UIMC1: variants seen among roughly 807,000 people sequenced by gnomAD.
UIMC1 encodes BRCA1-A complex subunit RAP80.
Under a neutral mutation model 84.9 loss-of-function variants are expected in UIMC1, and 42 were observed. The observed-to-expected ratio is 0.49, with a 90% CI of 0.39 to 0.64. The LOEUF is 0.64. UIMC1 is among the 30% of genes least tolerant of loss of function. The pLI, the probability that UIMC1 is intolerant of heterozygous loss-of-function variation, is 0.00. For synonymous variants in UIMC1, 281 were observed against 293.0 expected, an observed-to-expected ratio of 0.96 and a Z score of 0.42; for missense variants, 825 against 847.6, an observed-to-expected ratio of 0.97 and a Z score of 0.33.
intron 1 of UIMC1, among the ~76,000 whole-genome samples, chr5:176,997,321 C>T (rs1206096519): frequency 6.6e-6 from 1 of 152,006 alleles, no homozygotes; most frequent in South Asian, 2.1e-4. Flanking sequence ...CTTTTACCAC[C>T]GTTCCCCTCC....
At chr5:176,907,899 C>G (rs2149386044) in intron 12 of UIMC1, among the ~76,000 whole-genome samples, 1 of 152,250 alleles carries the variant, frequency 6.6e-6, no homozygotes, top group East Asian at 1.9e-4. Context: ...ATCAGTGGTA[C>G]AAAGACTGAT....
At chr5:176,998,466 C>CAAAAA (rs35445945) in intron 1 of UIMC1, among the ~76,000 whole-genome samples, 35,155 of 64,174 alleles carry the variant, frequency 0.55, 11,638 homozygotes, top group African/African-American at 0.68. Flanking sequence ...GACTCTGTCT[C>CAAAAA]AAAAAAAAAA....
At position 176,923,357 on chromosome 5, in the gene UIMC1, C is replaced by T. The variant is rs185945846; in HGVS notation, c.1598-11968G>A. Among the ~76,000 whole-genome samples, 289 of 152,200 alleles carry T rather than the reference C, an allele frequency of 1.9e-3. 2 individuals carry two copies. The highest frequency in any genetic ancestry group is 6.8e-3 in the African/African-American group (284 of 41,528). ...GGAATAAGACTGAAATGACTAGAAC[C>T]ATATCCAGTAGTTCTACCAGATAAA... On this transcript the variant is annotated intron_variant, in intron 10 of 14. Transcript: ENST00000511320.
At chr5:176,964,463 G>A (rs1213695133) in intron 6 of UIMC1, among the ~76,000 whole-genome samples, 1 of 152,116 alleles carries the variant, frequency 6.6e-6, no homozygotes, top group Non-Finnish European at 1.5e-5. Context: ...TATGGCTCAT[G>A]ACTAAGTACA....
At position 176,968,597 on chromosome 5, in the gene UIMC1, C is replaced by A. The variant is rs1404148778; in HGVS notation, c.1158G>T (p.Glu386Asp). 3.1e-6 allele frequency: 5 copies of A among 1,612,712 alleles called. No individual in the cohort carries two copies. The highest frequency in any genetic ancestry group is 4.5e-5 in the East Asian group (2 of 44,884). Reference protein sequence around the residue: ...FQESSIKSLKEKLLLEEEPTT... With the variant: ...FQESSIKSLKDKLLLEEEPTT... The stretch of plus-strand genomic sequence containing the variant: ...TTGGTTCTTCCTCCAACAAAAGTTT[C>A]TCTTTCAAGCTTTTAATTGAGCTTT... The change falls in exon 6 of 15, where the codon GAG becomes GAT. Residue 386 changes from glutamate to aspartate, a missense_variant. By Grantham distance (45) the Glu-to-Asp change is conservative (BLOSUM62 2). Coordinates refer to ENST00000511320, the MANE Select transcript of UIMC1 (RefSeq NM_001199298.2).
intron 9 of UIMC1, among the ~76,000 whole-genome samples, chr5:176,950,775 C>T (rs2149453753): frequency 6.6e-6 from 1 of 152,012 alleles, no homozygotes; most frequent in African/African-American, 2.4e-5. Flanking sequence ...GTGGCTGAGG[C>T]AGGAGAAACA....
intron 6 of UIMC1, among the ~76,000 whole-genome samples, chr5:176,968,085 G>C (rs1174777792): frequency 6.6e-6 from 1 of 152,028 alleles, no homozygotes; most frequent in Non-Finnish European, 1.5e-5. Context: ...GCATAGAAAT[G>C]ATGACTGGCC....
Position 176,908,546 on chromosome 5 carries a change from G to A in UIMC1, c.1825C>T (p.Gln609Ter), listed in dbSNP as rs1759705899. The change falls in exon 12 of 15, where the codon CAG becomes TAG. Residue 609 changes from glutamine (Q) to a stop codon, truncating the protein, a stop_gained. Coordinates refer to ENST00000511320, the MANE Select transcript of UIMC1 (RefSeq NM_001199298.2). LOFTEE classifies it high-confidence loss of function. ...ACCTTTGGGTTCTTCAGCCTCTGCT[G>A]CCACTTCCCCTCCACAGTTGAACAT... ...RACSTVEGKW[Q>*]QRLKNPKEKG... 6.2e-7 allele frequency: 1 copy of A among 1,613,932 alleles called. No homozygotes were observed. Among genetic ancestry groups the A allele is most frequent in the Non-Finnish European group, 8.5e-7 (1 of 1,179,920 alleles).
intron 6 of UIMC1, among the ~76,000 whole-genome samples, chr5:176,966,028 A>C (rs921172514): frequency 6.6e-6 from 1 of 152,258 alleles, no homozygotes; most frequent in African/African-American, 2.4e-5. Flanking sequence ...CACTAAAATA[A>C]CTATTTCTTA....
intron 10 of UIMC1, among the ~76,000 whole-genome samples, chr5:176,913,482 C>T (rs1049253633): frequency 2.0e-5 from 3 of 152,184 alleles, no homozygotes; most frequent in African/African-American, 7.2e-5. Flanking sequence ...ATGTGTAGCA[C>T]CCCAAACAGA....
At chr5:176,968,321 G>A (rs748836393) in intron 6 of UIMC1, among the ~76,000 whole-genome samples, 5 of 151,338 alleles carry the variant, frequency 3.3e-5, no homozygotes, top group South Asian at 2.1e-4. Context: ...GCAGTGAGCC[G>A]AAGATTGCGC....
chr5:176,929,157 A>G (rs1393627160), intron 10 of UIMC1, among the ~76,000 whole-genome samples: 1 of 151,894 alleles, frequency 6.6e-6, no homozygotes, highest in Non-Finnish European at 1.5e-5. Flanking sequence ...CGGGAGGCTG[A>G]GGCAGGAGAA....
At chr5:176,974,625 C>T (rs1367055598) in intron 3 of UIMC1, among the ~76,000 whole-genome samples, 1 of 151,992 alleles carries the variant, frequency 6.6e-6, no homozygotes, top group African/African-American at 2.4e-5. Context: ...GCGGGTGGAT[C>T]GCTTGAGGTC....
At chr5:176,939,938 T>C (rs1205872759) in intron 10 of UIMC1, among the ~76,000 whole-genome samples, 2 of 152,174 alleles carry the variant, frequency 1.3e-5, no homozygotes, top group African/African-American at 4.8e-5. Flanking sequence ...ACATCTATCA[T>C]GTCTGAAAGT....
chr5:176,911,288 G>T, intron 11 of UIMC1, 23 bp downstream of exon 11: 1 of 1,573,698 alleles, frequency 6.4e-7, no homozygotes, highest in East Asian at 2.3e-5. Flanking sequence ...CAAGAGCTCC[G>T]TGAATGCAGC....
intron 1 of UIMC1, among the ~76,000 whole-genome samples, chr5:176,992,633 TA>T (rs11417814): frequency 0.033 from 4,853 of 147,200 alleles, 278 homozygotes; most frequent in African/African-American, 0.11. Flanking sequence ...CTTGTCTCTA[TA>T]AAAAAAAAAA....
intron 10 of UIMC1, 87 bp downstream of exon 10, chr5:176,943,248 T>G: frequency 6.9e-7 from 1 of 1,451,630 alleles, no homozygotes; most frequent in Non-Finnish European, 9.2e-7. Flanking sequence ...GAAGAACAGC[T>G]ATGTTTTTTC....
At chr5:176,926,154 G>C (rs1171945319) in intron 10 of UIMC1, among the ~76,000 whole-genome samples, 3 of 151,998 alleles carry the variant, frequency 2.0e-5, no homozygotes, top group African/African-American at 7.2e-5. Context: ...TGAATAAAGA[G>C]ATATGACTAG....
chr5:176,958,770 G>C (rs1344233316), intron 6 of UIMC1, among the ~76,000 whole-genome samples: 1 of 152,046 alleles, frequency 6.6e-6, no homozygotes, highest in Admixed American at 6.6e-5. Flanking sequence ...TAATGAATAG[G>C]GACTACATAA....
Sources: gnomAD v4.1 joint callset for allele counts (sites outside exome capture counted in the v4.1 genomes callset) on GRCh38, gnomAD v4.1.1 for gene constraint, MANE v1.5 for transcripts, NCBI Gene and HGNC (gene_info 2026-07-23, HGNC 2026-07-21) for gene names.